CTNNA3: variants seen among roughly 807,000 people sequenced by gnomAD.
CTNNA3 encodes the protein catenin alpha 3, also known as catenin alpha-3.
A neutral mutation model predicts 95.7 loss-of-function variants in CTNNA3; 76 were observed. The observed-to-expected ratio is 0.79, with a 90% confidence interval of 0.66 to 0.96. The LOEUF (loss-of-function observed/expected upper bound fraction) is 0.96. Among genes scored for constraint, CTNNA3 ranks in the 40% least tolerant of loss-of-function variants. The pLI, the probability that CTNNA3 is intolerant of heterozygous loss-of-function variation, is 0.00. For synonymous variants in CTNNA3, 431 were observed against 374.4 expected, an observed-to-expected ratio of 1.15 and a Z score of -1.74; for missense variants, 1,191 against 1,089.8, an observed-to-expected ratio of 1.09 and a Z score of -1.31.
intron 11 of CTNNA3, among the ~76,000 whole-genome samples, chr10:66,447,059 T>G (rs1209102675): frequency 1.3e-5 from 2 of 151,350 alleles, no homozygotes; most frequent in Non-Finnish European, 3.0e-5. Context: ...AAATCATGAG[T>G]GAACTCCCAT....
chr10:67,759,480 G>A (rs1200783241), intron 1 of CTNNA3, among the ~76,000 whole-genome samples: 4 of 152,158 alleles, frequency 2.6e-5, no homozygotes, highest in Non-Finnish European at 4.4e-5. Flanking sequence ...TGTTTTGTGT[G>A]AAATTTTCAT....
intron 5 of CTNNA3, among the ~76,000 whole-genome samples, chr10:67,508,568 A>C (rs76056749): frequency 0.012 from 1,859 of 152,306 alleles, 45 homozygotes; most frequent in African/African-American, 0.042. Flanking sequence ...TAAGAAAACA[A>C]AGGGGAAATG....
rs375405417 is a variant in CTNNA3 at position 67,377,945 on chromosome 10, T to A, written c.579+143897A>T. ...CACCCAGGCTGGAGTAGTAGCACAA[T>A]CATAGCTCACTGCAGCCTTGAACTC... On this transcript the variant is annotated intron_variant, in intron 5 of 17. Coordinates refer to ENST00000433211, the MANE Select transcript of CTNNA3 (RefSeq NM_013266.4). Among the ~76,000 whole-genome samples, 291 of 152,190 alleles carry A rather than the reference T, an allele frequency of 1.9e-3. 2 individuals carry two copies. The highest frequency in any genetic ancestry group is 6.7e-3 in the African/African-American group (280 of 41,544).
intron 11 of CTNNA3, among the ~76,000 whole-genome samples, chr10:66,430,498 G>A (rs142236562): frequency 0.062 from 9,383 of 152,106 alleles, 572 homozygotes; most frequent in East Asian, 0.23. Context: ...CCTGACTTCA[G>A]ACTATACTCC....
intron 15 of CTNNA3, among the ~76,000 whole-genome samples, chr10:66,005,578 G>A (rs1307089357): frequency 6.6e-6 from 1 of 152,078 alleles, no homozygotes; most frequent in Non-Finnish European, 1.5e-5. Context: ...AGAATTACCT[G>A]GGAAGACACT....
At chr10:66,684,387 C>G (rs953916668) in intron 9 of CTNNA3, among the ~76,000 whole-genome samples, 1 of 152,064 alleles carries the variant, frequency 6.6e-6, no homozygotes, top group African/African-American at 2.4e-5. Context: ...AAAATGGGAC[C>G]TAATCATTCT....
chr10:67,282,973 G>A (rs1056244485), intron 5 of CTNNA3, among the ~76,000 whole-genome samples: 1 of 152,122 alleles, frequency 6.6e-6, no homozygotes, highest in African/African-American at 2.4e-5. Flanking sequence ...AATAGTCTAT[G>A]TAAAAACAGG....
chr10:66,645,047 C>A (rs1337501669), intron 9 of CTNNA3, among the ~76,000 whole-genome samples: 1 of 151,950 alleles, frequency 6.6e-6, no homozygotes, highest in Non-Finnish European at 1.5e-5. Context: ...TAACATAATT[C>A]TTGGAGATTT....
chr10:66,333,309 C>A (rs377268750), intron 12 of CTNNA3, among the ~76,000 whole-genome samples: 8 of 151,834 alleles, frequency 5.3e-5, no homozygotes, highest in East Asian at 1.9e-4. Context: ...TAGTTCTTTT[C>A]ATTGTGATGT....
At chr10:67,410,046 C>T (rs1274770683) in intron 5 of CTNNA3, among the ~76,000 whole-genome samples, 2 of 152,114 alleles carry the variant, frequency 1.3e-5, no homozygotes, top group Non-Finnish European at 2.9e-5. Context: ...TGTAATAAGA[C>T]TCATGCACAC....
At chr10:66,560,315 A>G (rs1007566265) in intron 10 of CTNNA3, among the ~76,000 whole-genome samples, 7 of 152,074 alleles carry the variant, frequency 4.6e-5, no homozygotes, top group Admixed American at 3.9e-4. Context: ...TCTTATCTGT[A>G]AAACAGTAAC....
At chr10:67,378,135 A>C (rs536051357) in intron 5 of CTNNA3, among the ~76,000 whole-genome samples, 53 of 152,050 alleles carry the variant, frequency 3.5e-4, no homozygotes, top group Admixed American at 1.4e-3. Flanking sequence ...TCTACTTTTT[A>C]CTTTTTTTTA....
Position 66,766,461 on chromosome 10 carries a change from G to T in CTNNA3, c.1129-45C>A, listed in dbSNP as rs1272670150. ...TCAGGTTTTTTTTTTCCAGGAAATAGTTCACTGTGTTTCCTTTTCTTACAA... is the reference window on the plus strand; with the variant it reads ...TCAGGTTTTTTTTTTCCAGGAAATATTTCACTGTGTTTCCTTTTCTTACAA... On this transcript the variant is annotated intron_variant, in intron 8 of 17. Coordinates refer to ENST00000433211, the MANE Select transcript of CTNNA3 (RefSeq NM_013266.4). 7 of 1,524,460 alleles carry T rather than the reference G, an allele frequency of 4.6e-6. No homozygotes were observed. The Admixed American group carries it at 9.3e-5, about 20-fold the overall frequency. 94.4% of individuals were successfully genotyped at this position (1,524,460 alleles called of 1,614,324 possible). A position where few individuals can be genotyped will look rare whatever the true frequency, so the allele number is the denominator to read the frequency against.
chr10:67,232,308 A>G (rs1306097954), intron 5 of CTNNA3, among the ~76,000 whole-genome samples: 1 of 152,182 alleles, frequency 6.6e-6, no homozygotes, highest in African/African-American at 2.4e-5. Context: ...CTAACAGCGG[A>G]TCTCTCAGCA....
Position 66,594,764 on chromosome 10 carries a change from T to C in CTNNA3, c.1374+26928A>G, listed in dbSNP as rs148685288. Among the ~76,000 whole-genome samples, 249 of 152,254 alleles carry C rather than the reference T, an allele frequency of 1.6e-3. 1 individual carries two copies. The highest frequency in any genetic ancestry group is 5.4e-3 in the African/African-American group (223 of 41,542). ...TAGTATGGTAGGCAACAGTATGGAT[T>C]ATAAAGCCAGATCATCTAAGTATGA... On this transcript the variant is annotated intron_variant, in intron 10 of 17. Transcript: ENST00000433211.
At chr10:67,542,126 C>T (rs1840701827) in intron 3 of CTNNA3, among the ~76,000 whole-genome samples, 1 of 152,030 alleles carries the variant, frequency 6.6e-6, no homozygotes, top group African/African-American at 2.4e-5. Flanking sequence ...TCCCAAAATA[C>T]ATTAATAAAG....
intron 10 of CTNNA3, among the ~76,000 whole-genome samples, chr10:66,568,858 C>A (rs558214410): frequency 4.6e-5 from 7 of 151,934 alleles, no homozygotes; most frequent in Admixed American, 3.9e-4. Flanking sequence ...ACAAAGGAAA[C>A]CAACCTGGGA....
chr10:66,817,236 AC>A (rs113425234), intron 7 of CTNNA3, among the ~76,000 whole-genome samples: 4 of 152,140 alleles, frequency 2.6e-5, no homozygotes, highest in African/African-American at 9.6e-5. Context: ...AAAACAAAAA[AC>A]ACATCCAAAT....
At chr10:66,384,914 C>G in intron 11 of CTNNA3, among the ~76,000 whole-genome samples, 1 of 152,110 alleles carries the variant, frequency 6.6e-6, no homozygotes, top group Non-Finnish European at 1.5e-5. Flanking sequence ...ACACAACATA[C>G]CAGAATCTCT....
Sources: allele counts gnomAD v4.1 joint callset (sites outside exome capture counted in the v4.1 genomes callset), GRCh38; gene constraint gnomAD v4.1.1; transcripts MANE v1.5; gene names NCBI Gene and HGNC (gene_info 2026-07-23, HGNC 2026-07-21).